Variants in CDK5RAP2 observed in about 807,000 individuals in gnomAD.
CDK5RAP2 encodes CDK5 regulatory subunit-associated protein 2.
Under a neutral mutation model 232.9 loss-of-function variants are expected in CDK5RAP2, and 147 were observed. The observed-to-expected ratio is 0.63, with a 90% CI of 0.55 to 0.72. The LOEUF (loss-of-function observed/expected upper bound fraction) is 0.72, where lower values mean the gene tolerates loss of function less well. CDK5RAP2 is among the 30% of genes least tolerant of loss of function. CDK5RAP2 has a pLI of 0.00. For synonymous variants in CDK5RAP2, 833 were observed against 833.7 expected (o/e 1.00, Z 0.01); for missense variants, 2,195 against 2,231.5 (o/e 0.98, Z 0.33).
intron 3 of CDK5RAP2, among the ~76,000 whole-genome samples, chr9:120,558,234 G>A (rs2042313068): frequency 6.7e-6 from 1 of 148,780 alleles, no homozygotes; most frequent in African/African-American, 2.5e-5. Context: ...TTAGCTGGGT[G>A]TACTGGTGTG....
At chr9:120,409,001 T>A in intron 30 of CDK5RAP2, 126 bp downstream of exon 30, 1 of 846,426 alleles carries the variant, frequency 1.2e-6, no homozygotes, top group Non-Finnish European at 2.0e-6. Context: ...AGACGTACAA[T>A]GTGTTTGTGT....
chr9:120,427,612 G>C (rs2034998266), intron 25 of CDK5RAP2, among the ~76,000 whole-genome samples: 1 of 152,180 alleles, frequency 6.6e-6, no homozygotes, highest in African/African-American at 2.4e-5. Flanking sequence ...GGAGGGGGTG[G>C]AAAGAATAAA....
intron 20 of CDK5RAP2, 97 bp downstream of exon 20, chr9:120,458,353 A>G: frequency 2.5e-6 from 3 of 1,195,890 alleles, no homozygotes; most frequent in Non-Finnish European, 3.7e-6. Context: ...TCTCTCAGGT[A>G]AATTACACAG....
At chr9:120,460,291 G>T (rs540560958) in intron 19 of CDK5RAP2, among the ~76,000 whole-genome samples, 1 of 152,314 alleles carries the variant, frequency 6.6e-6, no homozygotes, top group African/African-American at 2.4e-5. Flanking sequence ...CATCACTAAA[G>T]ATTTGTCCAG....
At chr9:120,464,291 C>A (rs543496194) in intron 18 of CDK5RAP2, among the ~76,000 whole-genome samples, 1 of 152,174 alleles carries the variant, frequency 6.6e-6, no homozygotes, top group African/African-American at 2.4e-5. Context: ...GGGCTGGGCA[C>A]CTGTCTACAA....
chr9:120,431,288 C>T (rs1322476998), intron 25 of CDK5RAP2, among the ~76,000 whole-genome samples: 1 of 151,898 alleles, frequency 6.6e-6, no homozygotes, highest in Non-Finnish European at 1.5e-5. Flanking sequence ...AAATGTTTGA[C>T]CAGTTAATCC....
intron 7 of CDK5RAP2, among the ~76,000 whole-genome samples, chr9:120,531,627 T>A (rs955822565): frequency 1.3e-5 from 2 of 152,112 alleles, no homozygotes; most frequent in African/African-American, 4.8e-5. Flanking sequence ...TTTTTTTTTT[T>A]AACATGTAAC....
chr9:120,433,251 T>G (rs1280692984), intron 25 of CDK5RAP2, among the ~76,000 whole-genome samples: 1 of 152,216 alleles, frequency 6.6e-6, no homozygotes, highest in Non-Finnish European at 1.5e-5. Flanking sequence ...CCAAGTCAGT[T>G]GTGACTTTGA....
chr9:120,400,592 G>C, intron 35 of CDK5RAP2, 150 bp downstream of exon 35: 1 of 905,888 alleles, frequency 1.1e-6, no homozygotes, highest in Non-Finnish European at 1.7e-6. Context: ...TAAGAACACA[G>C]TGAAGCCATG....
intron 3 of CDK5RAP2, among the ~76,000 whole-genome samples, chr9:120,552,635 T>A (rs981641847): frequency 7.2e-6 from 1 of 137,976 alleles, no homozygotes; most frequent in Admixed American, 8.3e-5. Flanking sequence ...TAGGTGGGAA[T>A]TGAACAATGA....
chr9:120,528,660 G>T, intron 9 of CDK5RAP2, 84 bp downstream of exon 9: 1 of 854,832 alleles, frequency 1.2e-6, no homozygotes. Context: ...CTGTGACACA[G>T]AATTATCTGC....
At chr9:120,452,395 G>A (rs1296456233) in intron 21 of CDK5RAP2, among the ~76,000 whole-genome samples, 1 of 152,134 alleles carries the variant, frequency 6.6e-6, no homozygotes, top group Non-Finnish European at 1.5e-5. Context: ...CGCAAAAGCA[G>A]TAATTTAGTG....
chr9:120,469,849 T>C (rs1210572148), intron 17 of CDK5RAP2, among the ~76,000 whole-genome samples: 1 of 152,108 alleles, frequency 6.6e-6, no homozygotes, highest in Admixed American at 6.6e-5. Flanking sequence ...GACGGAAAAG[T>C]GGCTAACTCT....
intron 14 of CDK5RAP2, among the ~76,000 whole-genome samples, chr9:120,481,251 C>T (rs550213515): frequency 2.6e-5 from 4 of 152,196 alleles, no homozygotes; most frequent in Admixed American, 2.0e-4. Flanking sequence ...TGCTCTTCAG[C>T]CCACCCATCA....
chr9:120,573,727 C>A (rs1391518626), intron 1 of CDK5RAP2, among the ~76,000 whole-genome samples: 1 of 152,084 alleles, frequency 6.6e-6, no homozygotes, highest in Admixed American at 6.6e-5. Context: ...AGGAAATATA[C>A]TGAAATATTA....
chr9:120,467,628 C>CAT (rs2037455532), intron 18 of CDK5RAP2, among the ~76,000 whole-genome samples: 1 of 152,066 alleles, frequency 6.6e-6, no homozygotes. Flanking sequence ...TACATACATA[C>CAT]ATATATATGA....
Position 120,518,628 on chromosome 9 carries a change from C to T in CDK5RAP2, c.1110G>A (p.Glu370=). Residue 370 remains glutamate, a synonymous_variant, in exon 12 of 38, where the codon GAG becomes GAA. Coordinates refer to ENST00000349780, the MANE Select transcript of CDK5RAP2 (RefSeq NM_018249.6). ...GGGCTTCCTTTCCTGATAGAGCAGT[C>T]TCATAGTCTTCAGACCCCTAGAAGA... The part of the protein sequence containing the change: ...TQEFQGSEDY[E]TALSGKEALS... 1 of 1,613,664 alleles carries T rather than the reference C, an allele frequency of 6.2e-7. No homozygotes were observed. Among genetic ancestry groups the T allele is most frequent in the Non-Finnish European group, 8.5e-7 (1 of 1,179,898 alleles).
chr9:120,576,189 T>C (rs1291190925), intron 1 of CDK5RAP2, among the ~76,000 whole-genome samples: 4 of 152,236 alleles, frequency 2.6e-5, no homozygotes, highest in African/African-American at 9.6e-5. Context: ...TTCTTTTACA[T>C]GCAATGTCAT....
chr9:120,560,512 C>T (rs1457867523), intron 3 of CDK5RAP2, among the ~76,000 whole-genome samples: 1 of 152,196 alleles, frequency 6.6e-6, no homozygotes, highest in Non-Finnish European at 1.5e-5. Context: ...CTTGCCAGCC[C>T]ATTCACAGTC....
Sources: allele counts gnomAD v4.1 joint callset (sites outside exome capture counted in the v4.1 genomes callset), GRCh38; gene constraint gnomAD v4.1.1; transcripts MANE v1.5; gene names NCBI Gene and HGNC (gene_info 2026-07-23, HGNC 2026-07-21).